RIF1: variants seen among roughly 807,000 people sequenced by gnomAD.
RIF1 encodes the protein replication timing regulatory factor 1, also known as telomere-associated protein RIF1.
RIF1 carries 45 observed loss-of-function variants against 247.1 expected under a neutral mutation model. The ratio of observed to expected loss-of-function variants is 0.18; its 90% confidence interval spans 0.14 to 0.23. The LOEUF (loss-of-function observed/expected upper bound fraction) is 0.23. Ranked by LOEUF, RIF1 falls within the 10% of genes least tolerant of loss-of-function variation. RIF1 has a pLI of 1.00. For missense variants in RIF1, 2,967 were observed against 2,862.5 expected, an observed-to-expected ratio of 1.04 and a Z score of -0.83; for synonymous variants, 1,087 against 978.8, an observed-to-expected ratio of 1.11 and a Z score of -2.06.
intron 11 of RIF1, among the ~76,000 whole-genome samples, chr2:151,436,225 CAAA>C (rs1221026596): frequency 6.6e-6 from 1 of 150,634 alleles, no homozygotes; most frequent in African/African-American, 2.4e-5. Context: ...GACTCAGTCT[CAAA>C]AAAAACAAAA....
In RIF1 at chr2:151,465,435, ATAT is replaced by A; in HGVS notation, c.5918_5920del (p.Ile1973del). On this transcript the variant is annotated inframe_deletion, in exon 30 of 36. Transcript: ENST00000444746. ...GTAGCAACTGAGGAATTTAATTCAG[ATAT>A]TAGTCTTTCTGATAATACTACACCT... The A allele has an allele frequency of 6.2e-7, 1 of 1,614,006 alleles. No homozygotes were observed. Among genetic ancestry groups the A allele is most frequent in the East Asian group, 2.2e-5 (1 of 44,884 alleles).
At chr2:151,486,170 C>T, downstream of RIF1, 1 of 451,116 alleles carries the variant, frequency 2.2e-6, no homozygotes, top group South Asian at 3.8e-5. Context: ...CAATGCCTTC[C>T]CCCACCAAAA....
At chr2:151,432,498 A>G (rs1195084685) in intron 9 of RIF1, among the ~76,000 whole-genome samples, 1 of 152,230 alleles carries the variant, frequency 6.6e-6, no homozygotes, top group East Asian at 1.9e-4. Context: ...TTAGATTTCA[A>G]AAATGTATTC....
intron 9 of RIF1, among the ~76,000 whole-genome samples, chr2:151,491,029 A>G (rs1215860902): frequency 7.3e-6 from 1 of 136,166 alleles, no homozygotes; most frequent in East Asian, 2.2e-4. Flanking sequence ...CTGTCTCTAC[A>G]TAATATCCTT....
At chr2:151,529,659 T>TG in the RIF1 span, among the ~76,000 whole-genome samples, 6 of 152,058 alleles carry the variant, frequency 3.9e-5, no homozygotes, top group Non-Finnish European at 7.4e-5. Context: ...GCCTCCTGAG[T>TG]ACCTGGGACC....
chr2:151,531,315 T>C, the RIF1 span, among the ~76,000 whole-genome samples: 58 of 133,428 alleles, frequency 4.3e-4, no homozygotes, highest in Non-Finnish European at 5.5e-4. Context: ...TTTCTTTTTT[T>C]TTTTTTTTTT....
At chr2:151,471,609 C>T (rs561786716) in intron 34 of RIF1, among the ~76,000 whole-genome samples, 39 of 152,228 alleles carry the variant, frequency 2.6e-4, no homozygotes, top group African/African-American at 8.7e-4. Flanking sequence ...TTTCCCAACA[C>T]CATTTATTAA....
At chr2:151,505,916 G>C in intron 12 of RIF1, 1 of 561,754 alleles carries the variant, frequency 1.8e-6, no homozygotes, top group Non-Finnish European at 3.2e-6. Context: ...TTGGTTCTTT[G>C]ACTGTACCGG....
intron 3 of RIF1, among the ~76,000 whole-genome samples, chr2:151,412,822 T>G (rs1035300160): frequency 6.6e-5 from 10 of 152,000 alleles, no homozygotes; most frequent in African/African-American, 2.4e-4. Context: ...ACATGTACAT[T>G]TTAACGTGAT....
At chr2:151,438,628 T>C (rs1691690080) in intron 13 of RIF1, 56 bp from the exon 14 acceptor site, 1 of 1,058,398 alleles carries the variant, frequency 9.4e-7, no homozygotes, top group Non-Finnish European at 1.5e-6. Context: ...GTGTTAGTCA[T>C]AGTACGTAGT....
At chr2:151,485,152 C>G (rs977806016), downstream of RIF1, among the ~76,000 whole-genome samples, 1 of 152,190 alleles carries the variant, frequency 6.6e-6, no homozygotes, top group Admixed American at 6.5e-5. Flanking sequence ...GTTCTTAAAA[C>G]TGTAATAGAA....
rs938594698 is a variant in RIF1 at position 151,481,545 on chromosome 2, ATTG to A, written c.*6479_*6481del. ...ATCAGTCATTTATTAACCCTCTAAT[ATTG>A]TTGTCCCGATCATTTGGTAAACGCT... On this transcript the variant is annotated 3_prime_UTR_variant, in exon 36 of 36. Coordinates refer to ENST00000444746, the MANE Select transcript of RIF1 (RefSeq NM_018151.5). 1.3e-5 allele frequency: 2 copies of A among 152,320 alleles called. No individual in the cohort carries two copies. The highest frequency in any genetic ancestry group is 4.8e-5 in the African/African-American group (2 of 41,572). 9.4% of individuals were successfully genotyped at this position (152,320 alleles called of 1,614,324 possible).
intron 3 of RIF1, among the ~76,000 whole-genome samples, chr2:151,414,399 G>A (rs770148902): frequency 1.8e-4 from 28 of 152,160 alleles, no homozygotes; most frequent in Non-Finnish European, 2.6e-4. Flanking sequence ...CTTTATAAAC[G>A]TTACATTCTA....
chr2:151,465,314 A>G lies in RIF1; in HGVS notation c.5794A>G (p.Arg1932Gly). Residue 1932 changes from arginine (R) to glycine (G), a missense_variant, in exon 30 of 36, where the codon AGA becomes GGA. Around this residue, in one of 7 missense-constraint regions of RIF1, gnomAD observed 2,028 missense variants for 1,825.6 expected, o/e 1.11. Coordinates refer to ENST00000444746, the MANE Select transcript of RIF1 (RefSeq NM_018151.5). Reference sequence around the variant, plus strand: ...TGAAGCTAGCTTTCATGGACAAGAGAGAACCAAAACTGGTATTTCTGAAGA... The same window carrying G: ...TGAAGCTAGCTTTCATGGACAAGAGGGAACCAAAACTGGTATTTCTGAAGA... ...GNEASFHGQE[R>G]TKTGISEEAA... 6.2e-7 allele frequency: 1 copy of G among 1,613,870 alleles called. No individual in the cohort carries two copies. Among genetic ancestry groups the G allele is most frequent in the East Asian group, 2.2e-5 (1 of 44,874 alleles).
chr2:151,503,354 T>C (rs1226462332), intron 12 of RIF1: 1 of 1,606,896 alleles, frequency 6.2e-7, no homozygotes, highest in African/African-American at 1.3e-5. Context: ...AATACCGAGC[T>C]AAAGTTCTCT....
At chr2:151,410,276 G>C (rs1424717740) in intron 1 of RIF1, 138 bp from the exon 2 acceptor site, 13 of 675,038 alleles carry the variant, frequency 1.9e-5, no homozygotes, top group Non-Finnish European at 3.4e-5. Context: ...TTGGTGATTC[G>C]GAGGCCTGGG....
intron 11 of RIF1, chr2:151,502,691 C>G: frequency 1.4e-6 from 1 of 720,044 alleles, no homozygotes; most frequent in Non-Finnish European, 2.4e-6. Context: ...TATTTGGTAT[C>G]ATTATTTTCA....
the RIF1 span, among the ~76,000 whole-genome samples, chr2:151,520,680 G>A: frequency 1.3e-5 from 2 of 152,034 alleles, no homozygotes; most frequent in Admixed American, 1.3e-4. Flanking sequence ...GCCTGGGCAC[G>A]TGCTGAAACC....
intron 8 of RIF1, among the ~76,000 whole-genome samples, chr2:151,427,489 GT>G (rs1429193660): frequency 1.3e-5 from 2 of 150,490 alleles, no homozygotes; most frequent in Non-Finnish European, 3.0e-5. Context: ...GGGATTGCAG[GT>G]GTGAGCCACC....
Sources: gnomAD v4.1 joint callset for allele counts (sites outside exome capture counted in the v4.1 genomes callset) on GRCh38, gnomAD v4.1.1 for gene constraint, gnomAD v4.1.1 regional missense constraint, MANE v1.5 for transcripts, NCBI Gene and HGNC (gene_info 2026-07-23, HGNC 2026-07-21) for gene names.